The following MGAM variants were observed in gnomAD, a reference collection of about 807,000 sequenced individuals.
MGAM encodes alpha-1,4-glucosidase.
In MGAM, 253 loss-of-function variants were observed where a neutral mutation model predicts 358.8. The observed-to-expected ratio is 0.71, with a 90% CI of 0.64 to 0.78. The LOEUF is 0.78. MGAM is among the 30% of genes least tolerant of loss of function. MGAM has a pLI of 0.00. For synonymous variants in MGAM, 1,105 were observed against 1,227.1 expected (o/e 0.90, Z 2.08); for missense variants, 3,080 against 3,432.6 (o/e 0.90, Z 2.57).
chr7:142,084,726 A>G (rs1814608066), intron 54 of MGAM, 82 bp downstream of exon 54: 1 of 1,468,700 alleles, frequency 6.8e-7, no homozygotes, highest in Non-Finnish European at 9.3e-7. Flanking sequence ...AATGTTTGTG[A>G]GATTCTATAA....
In MGAM at chr7:142,088,797, C is replaced by G. The variant is rs1187274496; in HGVS notation, c.6810+2080C>G. ...TCTATCTATCTATCTATCTATCTATCTATCATTCTATCCTATCTATGTACC... is the reference window on the plus strand; with the variant it reads ...TCTATCTATCTATCTATCTATCTATGTATCATTCTATCCTATCTATGTACC... On this transcript the variant is annotated intron_variant, in intron 57 of 70. Coordinates refer to ENST00000475668, the MANE Select transcript of MGAM (RefSeq NM_001365693.1). Among the ~76,000 whole-genome samples the G allele has an allele frequency of 9.5e-4, 121 of 127,816 alleles. 1 individual carries two copies. Among genetic ancestry groups the G allele is most frequent in the South Asian group, 3.1e-3 (12 of 3,840 alleles). The allele number at this position is 127,816 out of a possible 152,430, so 83.9% of individuals were successfully genotyped here. A position where few individuals can be genotyped will look rare whatever the true frequency, so the allele number is the denominator to read the frequency against.
At chr7:142,021,173 G>T in intron 5 of MGAM, 90 bp downstream of exon 5, 1 of 869,210 alleles carries the variant, frequency 1.2e-6, no homozygotes, top group Non-Finnish European at 1.8e-6. Context: ...AGAAAATTTT[G>T]CTACTGGATG....
chr7:142,068,637 T>C lies in MGAM; in HGVS notation c.5005-10T>C. The C allele has an allele frequency of 6.5e-7, 1 of 1,529,216 alleles. No individual in the cohort carries two copies. Among genetic ancestry groups the C allele is most frequent in the Non-Finnish European group, 9.0e-7 (1 of 1,110,244 alleles). The allele number at this position is 1,529,216 out of a possible 1,614,324, so 94.7% of individuals were successfully genotyped here. A position where few individuals can be genotyped will look rare whatever the true frequency, so the allele number is the denominator to read the frequency against. On this transcript the variant is annotated splice_polypyrimidine_tract_variant and intron_variant, in intron 42 of 70. Transcript: ENST00000475668. ...TGGCACTGCCTCACCTTGTTTGTGT[T>C]TCATTTTAGAATGCCAGAAATGTCA...
intron 49 of MGAM, among the ~76,000 whole-genome samples, chr7:142,079,514 G>T (rs1381307815): frequency 1.4e-5 from 2 of 145,986 alleles, no homozygotes; most frequent in African/African-American, 4.9e-5. Context: ...AATGTAAGAT[G>T]ATATGTTCAG....
Position 142,065,789 on chromosome 7 carries a change from C to A in MGAM, c.4728C>A (p.Ala1576=), listed in dbSNP as rs752143807. The A allele has an allele frequency of 5.1e-6, 8 of 1,556,144 alleles. 1 individual carries two copies. Among genetic ancestry groups the A allele is most frequent in the South Asian group, 1.1e-5 (1 of 89,174 alleles). Residue 1576 remains alanine, a synonymous_variant, in exon 40 of 71, where the codon GCC becomes GCA. Coordinates refer to ENST00000475668, the MANE Select transcript of MGAM (RefSeq NM_001365693.1). ...EMCVRWMQLG[A]FYPFSRNHNT... Reference sequence around the variant, plus strand: ...GTGTTCGCTGGATGCAGCTGGGGGCCTTTTACCCCTTCTCAAGAAACCACA... The same window carrying A: ...GTGTTCGCTGGATGCAGCTGGGGGCATTTTACCCCTTCTCAAGAAACCACA...
At chr7:142,045,070 ACG>A (rs1809883906) in intron 21 of MGAM, among the ~76,000 whole-genome samples, 1 of 81,674 alleles carries the variant, frequency 1.2e-5, no homozygotes, top group Non-Finnish European at 2.4e-5. Flanking sequence ...TATTATATAT[ACG>A]TGTAATATAT....
intron 35 of MGAM, 147 bp downstream of exon 35, chr7:142,062,849 G>T: frequency 7.2e-7 from 1 of 1,389,764 alleles, no homozygotes; most frequent in Non-Finnish European, 9.6e-7. Flanking sequence ...CTCAGGAGAG[G>T]AACTGCCCTG....
intron 65 of MGAM, 113 bp from the exon 66 acceptor site, chr7:142,097,480 G>A (rs1816030981): frequency 2.9e-6 from 3 of 1,018,650 alleles, no homozygotes; most frequent in Non-Finnish European, 4.6e-6. Context: ...CCTGGGACAT[G>A]AGGCAAGTGG....
intron 26 of MGAM, among the ~76,000 whole-genome samples, chr7:142,054,018 A>C (rs954021242): frequency 4.6e-5 from 7 of 152,116 alleles, no homozygotes; most frequent in African/African-American, 1.7e-4. Flanking sequence ...CGTGGTTGTT[A>C]TTCTTCACCA....
intron 21 of MGAM, among the ~76,000 whole-genome samples, chr7:142,045,196 T>A (rs1391266538): frequency 1.6e-5 from 1 of 63,372 alleles, no homozygotes; most frequent in African/African-American, 5.6e-5. Context: ...TGATATATAA[T>A]ATATATTATA....
Position 142,069,450 on chromosome 7 carries a change from G to A in MGAM, c.5061+747G>A, listed in dbSNP as rs146552823. Among the ~76,000 whole-genome samples the A allele has an allele frequency of 4.1e-4, 60 of 145,600 alleles. 8 individuals carry two copies. Among genetic ancestry groups the A allele is most frequent in the Middle Eastern group, 3.5e-3 (1 of 284 alleles). On this transcript the variant is annotated intron_variant, in intron 43 of 70. Coordinates refer to ENST00000475668, the MANE Select transcript of MGAM (RefSeq NM_001365693.1). The stretch of plus-strand genomic sequence containing the variant: ...AAGAATCAAAGGAGGTATTTCCTTC[G>A]TTTCTAACTAGGCCTCTTCTTCTGA...
Position 142,055,557 on chromosome 7 carries a change from G to T in MGAM, c.3315-1G>T. Reference sequence around the variant, plus strand: ...TTCAAATCTGCGTTTTTGTGTTTCAGTTGGGACTCTCAGCTCCTTGGCTTT... The same window carrying T: ...TTCAAATCTGCGTTTTTGTGTTTCATTTGGGACTCTCAGCTCCTTGGCTTT... On this transcript the variant is annotated splice_acceptor_variant, in intron 27 of 70. Coordinates refer to ENST00000475668, the MANE Select transcript of MGAM (RefSeq NM_001365693.1). LOFTEE classifies it high-confidence loss of function. 1 of 1,613,908 alleles carries T rather than the reference G, an allele frequency of 6.2e-7. No homozygotes were observed. Among genetic ancestry groups the T allele is most frequent in the Non-Finnish European group, 8.5e-7 (1 of 1,179,848 alleles).
intron 57 of MGAM, among the ~76,000 whole-genome samples, chr7:142,091,650 G>C (rs1196621077): frequency 6.8e-6 from 1 of 146,208 alleles, no homozygotes; most frequent in Non-Finnish European, 1.5e-5. Context: ...TCACTAGTTC[G>C]GGTCATTGAT....
At chr7:142,080,161 A>T (rs1306489571) in intron 49 of MGAM, among the ~76,000 whole-genome samples, 1 of 146,690 alleles carries the variant, frequency 6.8e-6, no homozygotes, top group Non-Finnish European at 1.5e-5. Flanking sequence ...TCCCAGAAAC[A>T]ATGTTAGGCA....
rs893953946 is a variant in MGAM at position 142,038,383 on chromosome 7, G to A, written c.2232-148G>A. ...AGGGGAATCTGTCTAGGGGTGCAGAGGGGCTTGAGTAGGTGTCACAGAATA... is the reference window on the plus strand; with the variant it reads ...AGGGGAATCTGTCTAGGGGTGCAGAAGGGCTTGAGTAGGTGTCACAGAATA... On this transcript the variant is annotated intron_variant, in intron 18 of 70. Coordinates refer to ENST00000475668, the MANE Select transcript of MGAM (RefSeq NM_001365693.1). The A allele has an allele frequency of 9.8e-6, 6 of 611,868 alleles. No individual in the cohort carries two copies. In the Admixed American group the frequency reaches 1.1e-4, roughly 11 times the overall value. 37.9% of individuals were successfully genotyped at this position (611,868 alleles called of 1,614,324 possible).
intron 68 of MGAM, 89 bp from the exon 69 acceptor site, chr7:142,102,541 T>A: frequency 8.2e-7 from 1 of 1,212,430 alleles, no homozygotes. Context: ...ACAAGACAAG[T>A]AGGCAATTAG....
At position 142,041,914 on chromosome 7, in the gene MGAM, TACGTATA is replaced by T. The variant is rs1214619453; in HGVS notation, c.2498+1070_2498+1076del. 1.3e-3 allele frequency among the ~76,000 whole-genome samples: 30 copies of T among 23,354 alleles called. 2 individuals carry two copies. The highest frequency in any genetic ancestry group is 6.5e-3 in the African/African-American group (26 of 4,008). 15.3% of individuals were successfully genotyped at this position (23,354 alleles called of 152,430 possible). Reference sequence around the variant, plus strand: ...ATATATAATATATATATTATATATATACGTATAATATATAATATATATATTATATATA... The same window carrying T: ...ATATATAATATATATATTATATATATATATATAATATATATATTATATATA... On this transcript the variant is annotated intron_variant, in intron 21 of 70. Coordinates refer to ENST00000475668, the MANE Select transcript of MGAM (RefSeq NM_001365693.1).
chr7:142,022,251 T>A lies in MGAM; in HGVS notation c.711-17T>A. ...CCTGCTTGCTCACCCATCCTTGTGTTCTCCACCTGTGTCTAGGTTTGACTC... is the reference window on the plus strand; with the variant it reads ...CCTGCTTGCTCACCCATCCTTGTGTACTCCACCTGTGTCTAGGTTTGACTC... On this transcript the variant is annotated splice_polypyrimidine_tract_variant and intron_variant, in intron 6 of 70. Transcript: ENST00000475668. 1 of 1,589,494 alleles carries A rather than the reference T, an allele frequency of 6.3e-7. No individual in the cohort carries two copies. Among genetic ancestry groups the A allele is most frequent in the Non-Finnish European group, 8.6e-7 (1 of 1,165,998 alleles).
At chr7:142,050,664 C>G (rs750951096) in intron 23 of MGAM, 33 bp from the exon 24 acceptor site, 2 of 1,593,482 alleles carry the variant, frequency 1.3e-6, no homozygotes, top group African/African-American at 2.7e-5. Context: ...ACTCATATAC[C>G]TTTATGCATA....
Sources: allele counts gnomAD v4.1 joint callset (sites outside exome capture counted in the v4.1 genomes callset), GRCh38; gene constraint gnomAD v4.1.1; transcripts MANE v1.5; gene names NCBI Gene and HGNC (gene_info 2026-07-23, HGNC 2026-07-21).